TAFA1: variants seen among roughly 807,000 people sequenced by gnomAD.
TAFA1 encodes the protein chemokine-like protein TAFA-1.
A neutral mutation model predicts 18.5 loss-of-function variants in TAFA1; 4 were observed. The ratio of observed to expected loss-of-function variants is 0.22; its 90% confidence interval spans 0.11 to 0.49. TAFA1 has a LOEUF of 0.49. Among genes scored for constraint, TAFA1 ranks in the 20% least tolerant of loss-of-function variants. The probability of loss-of-function intolerance (pLI) is 0.98; values close to 1 mark genes in which losing one functional copy is unlikely to be tolerated. For missense variants in TAFA1, 147 were observed against 169.0 expected (o/e 0.87, Z 0.72); for synonymous variants, 56 against 55.2 (o/e 1.01, Z -0.06).
At chr3:68,188,509 A>T (rs9808966) in intron 2 of TAFA1, among the ~76,000 whole-genome samples, 3,323 of 136,858 alleles carry the variant, frequency 0.024, 100 homozygotes, top group African/African-American at 0.074. Flanking sequence ...ATATATATTT[A>T]TATATATATA....
At chr3:68,487,422 A>C (rs1341548023) in intron 3 of TAFA1, among the ~76,000 whole-genome samples, 2 of 152,144 alleles carry the variant, frequency 1.3e-5, no homozygotes, top group African/African-American at 4.8e-5. Context: ...TAAAGATGGA[A>C]GTGTGTGTTT....
intron 2 of TAFA1, among the ~76,000 whole-genome samples, chr3:68,376,097 C>G (rs1439861064): frequency 6.6e-6 from 1 of 152,110 alleles, no homozygotes; most frequent in South Asian, 2.1e-4. Flanking sequence ...GTCTGCACAA[C>G]TGATCAGGAT....
chr3:68,476,138 G>A (rs2106641439), intron 3 of TAFA1, among the ~76,000 whole-genome samples: 1 of 152,276 alleles, frequency 6.6e-6, no homozygotes, highest in Non-Finnish European at 1.5e-5. Flanking sequence ...AACACCGAAA[G>A]CAATGGCAAC....
At chr3:68,112,362 T>C (rs1375297886) in intron 2 of TAFA1, among the ~76,000 whole-genome samples, 1 of 152,208 alleles carries the variant, frequency 6.6e-6, no homozygotes, top group African/African-American at 2.4e-5. Context: ...TTTTTAAGGG[T>C]AATGTGCCAC....
At chr3:68,531,673 T>C (rs1214298362) in intron 3 of TAFA1, among the ~76,000 whole-genome samples, 1 of 152,144 alleles carries the variant, frequency 6.6e-6, no homozygotes, top group Non-Finnish European at 1.5e-5. Context: ...TGAGATCTTA[T>C]GGGGAAGCTG....
At chr3:68,356,189 G>C (rs1265430065) in intron 2 of TAFA1, among the ~76,000 whole-genome samples, 1 of 151,616 alleles carries the variant, frequency 6.6e-6, no homozygotes, top group Non-Finnish European at 1.5e-5. Context: ...ATTTGGGTTG[G>C]AATAAAAAAA....
At chr3:68,495,002 AAAAACAAAAG>A (rs1456949762) in intron 3 of TAFA1, among the ~76,000 whole-genome samples, 6 of 152,068 alleles carry the variant, frequency 3.9e-5, no homozygotes, top group Admixed American at 1.3e-4. Flanking sequence ...CAACTAGAGT[AAAAACAAAAG>A]AAAAGAAAAG....
At chr3:68,536,518 G>A (rs563141688) in intron 3 of TAFA1, among the ~76,000 whole-genome samples, 1 of 152,156 alleles carries the variant, frequency 6.6e-6, no homozygotes, top group African/African-American at 2.4e-5. Flanking sequence ...AGCATCGTAA[G>A]ACAAACACCT....
intron 3 of TAFA1, among the ~76,000 whole-genome samples, chr3:68,484,136 TC>T (rs2072291134): frequency 6.6e-6 from 1 of 152,248 alleles, no homozygotes; most frequent in Non-Finnish European, 1.5e-5. Flanking sequence ...CAACATGTAA[TC>T]AATATAAAAA....
intron 2 of TAFA1, among the ~76,000 whole-genome samples, chr3:68,229,700 G>C (rs1158839436): frequency 6.6e-6 from 1 of 152,146 alleles, no homozygotes; most frequent in Non-Finnish European, 1.5e-5. Flanking sequence ...TGTGATCATT[G>C]TCATATGAAC....
chr3:68,138,388 C>G (rs2065632247), intron 2 of TAFA1, among the ~76,000 whole-genome samples: 1 of 152,178 alleles, frequency 6.6e-6, no homozygotes, highest in African/African-American at 2.4e-5. Context: ...ATACAGAGCT[C>G]TAGGAAAGTA....
chr3:68,351,065 G>A (rs1414631861), intron 2 of TAFA1, among the ~76,000 whole-genome samples: 1 of 152,096 alleles, frequency 6.6e-6, no homozygotes, highest in Non-Finnish European at 1.5e-5. Context: ...CATCATACAG[G>A]GAGCTTTTTA....
At chr3:68,012,246 A>G (rs559067369) in intron 2 of TAFA1, among the ~76,000 whole-genome samples, 1 of 152,334 alleles carries the variant, frequency 6.6e-6, no homozygotes, top group African/African-American at 2.4e-5. Flanking sequence ...CCAGGTGCTT[A>G]TACTAAGAAA....
At chr3:68,505,726 A>G (rs2072737543) in intron 3 of TAFA1, among the ~76,000 whole-genome samples, 1 of 152,052 alleles carries the variant, frequency 6.6e-6, no homozygotes, top group African/African-American at 2.4e-5. Flanking sequence ...GCTACTTGCA[A>G]TTCCCTGCCA....
rs188754945 is a variant in TAFA1 at position 68,201,512 on chromosome 3, T to C, written c.118+194768T>C. Among the ~76,000 whole-genome samples, 14 of 151,906 alleles carry C rather than the reference T, an allele frequency of 9.2e-5. No individual in the cohort carries two copies. In the East Asian group the frequency reaches 2.7e-3, roughly 30 times the overall value. Reference sequence around the variant, plus strand: ...CCAACCATAATAATGGATTCATCTATTTCTCTTTGCAGTTCTGTCAGTTTT... The same window carrying C: ...CCAACCATAATAATGGATTCATCTACTTCTCTTTGCAGTTCTGTCAGTTTT... On this transcript the variant is annotated intron_variant, in intron 2 of 4. Transcript: ENST00000478136.
intron 2 of TAFA1, among the ~76,000 whole-genome samples, chr3:68,107,725 A>C (rs996581290): frequency 2.0e-5 from 3 of 152,126 alleles, no homozygotes; most frequent in East Asian, 1.9e-4. Flanking sequence ...CCTCTCAATT[A>C]AGTTTCCAGG....
chr3:68,230,657 A>G (rs552483581), intron 2 of TAFA1, among the ~76,000 whole-genome samples: 2 of 152,312 alleles, frequency 1.3e-5, no homozygotes, highest in East Asian at 1.9e-4. Context: ...TTGCTGAATC[A>G]TATACTACTT....
At chr3:68,538,089 TG>T (rs1467872903) in intron 3 of TAFA1, among the ~76,000 whole-genome samples, 1 of 151,780 alleles carries the variant, frequency 6.6e-6, no homozygotes, top group East Asian at 1.9e-4. Flanking sequence ...AGCCTCCAGG[TG>T]GGGGCCACAG....
At chr3:68,249,943 C>T (rs1377392945) in intron 2 of TAFA1, among the ~76,000 whole-genome samples, 2 of 152,090 alleles carry the variant, frequency 1.3e-5, no homozygotes, top group South Asian at 2.1e-4. Context: ...CCGAAGGCCA[C>T]GTGTCTAGAA....
Sources: gnomAD v4.1 joint callset for allele counts (sites outside exome capture counted in the v4.1 genomes callset) on GRCh38, gnomAD v4.1.1 for gene constraint, MANE v1.5 for transcripts, NCBI Gene and HGNC (gene_info 2026-07-23, HGNC 2026-07-21) for gene names.